The following FOCAD variants were observed in gnomAD, a reference collection of about 807,000 sequenced individuals.
The protein encoded by FOCAD is focadhesin, also known as KIAA1797.
A neutral mutation model predicts 225.6 loss-of-function variants in FOCAD; 198 were observed. The ratio of observed to expected loss-of-function variants is 0.88; its 90% CI spans 0.78 to 0.99. The LOEUF is 0.99. FOCAD is among the 50% of genes least tolerant of loss of function. FOCAD has a pLI of 0.00. For missense variants in FOCAD, 2,713 were observed against 2,123.6 expected (o/e 1.28, Z -5.46); for synonymous variants, 897 against 755.0 (o/e 1.19, Z -3.08).
At chr9:20,854,613 A>G (rs766386151) in intron 15 of FOCAD, among the ~76,000 whole-genome samples, 17 of 151,908 alleles carry the variant, frequency 1.1e-4, no homozygotes, top group East Asian at 1.9e-4. Context: ...GAAGAATAAC[A>G]TGGGAAATTG....
In FOCAD at chr9:20,720,265, A is replaced by T; in HGVS notation, c.133-115A>T. On this transcript the variant is annotated intron_variant, in intron 3 of 43. Coordinates refer to ENST00000338382, the MANE Select transcript of FOCAD (RefSeq NM_001375567.1). ...ACAGAGTGACAACAGCATCATCTTT[A>T]TAAAGGAAAGCTAGCCTACTGTGAA... is the stretch of plus-strand genomic sequence containing the variant. 4 of 1,006,814 alleles carry T rather than the reference A, an allele frequency of 4.0e-6. No homozygotes were observed. The Admixed American group carries it at 9.2e-5, about 23-fold the overall frequency. 62.4% of individuals were successfully genotyped at this position (1,006,814 alleles called of 1,614,324 possible).
At chr9:20,780,634 A>T (rs955877847) in intron 9 of FOCAD, among the ~76,000 whole-genome samples, 2 of 152,080 alleles carry the variant, frequency 1.3e-5, no homozygotes, top group Non-Finnish European at 2.9e-5. Flanking sequence ...TTTATACATT[A>T]ATTTTTATAT....
At chr9:20,691,309 C>G (rs572843576) in intron 1 of FOCAD, among the ~76,000 whole-genome samples, 1 of 152,056 alleles carries the variant, frequency 6.6e-6, no homozygotes, top group African/African-American at 2.4e-5. Flanking sequence ...GGTTTTCCTC[C>G]TACGTCATTG....
intron 4 of FOCAD, among the ~76,000 whole-genome samples, chr9:20,737,182 A>G (rs1827218798): frequency 1.3e-5 from 2 of 152,168 alleles, no homozygotes; most frequent in Admixed American, 6.5e-5. Context: ...AAAGTTTAAA[A>G]AATTGGAGTT....
Position 20,757,565 on chromosome 9 carries a change from T to C in FOCAD, c.393-525T>C, listed in dbSNP as rs199796135. ...TTGTTAAGATGGAAGGAATATTTCC[T>C]TTTTTCTATTCTTAAATATGCTGGG... On this transcript the variant is annotated intron_variant, in intron 5 of 43. Coordinates refer to ENST00000338382, the MANE Select transcript of FOCAD (RefSeq NM_001375567.1). Among the ~76,000 whole-genome samples the C allele has an allele frequency of 1.2e-4, 19 of 152,310 alleles. No individual in the cohort carries two copies. In the East Asian group the frequency reaches 3.7e-3, roughly 29 times the overall value.
At chr9:20,883,700 G>C (rs1830870715) in intron 20 of FOCAD, among the ~76,000 whole-genome samples, 1 of 152,178 alleles carries the variant, frequency 6.6e-6, no homozygotes, top group Non-Finnish European at 1.5e-5. Flanking sequence ...AGTTTGAAGT[G>C]AATGATAATG....
At chr9:20,913,835 A>T (rs2132064904) in intron 23 of FOCAD, among the ~76,000 whole-genome samples, 1 of 152,294 alleles carries the variant, frequency 6.6e-6, no homozygotes, top group East Asian at 1.9e-4. Flanking sequence ...ATCATCTGAA[A>T]GTGATAATTG....
At chr9:20,789,833 C>A (rs938435716) in intron 11 of FOCAD, among the ~76,000 whole-genome samples, 14 of 151,782 alleles carry the variant, frequency 9.2e-5, no homozygotes, top group South Asian at 8.3e-4. Flanking sequence ...GCACACTTCA[C>A]AACGAAATCT....
Position 20,958,983 on chromosome 9 carries a change from A to G in FOCAD, c.4132+5918A>G, listed in dbSNP as rs149598802. ...ATTCCATGTCATGGCTATTGTGAAT[A>G]GTACTAAAATAAACATGGGGTACAG... On this transcript the variant is annotated intron_variant, in intron 35 of 43. Transcript: ENST00000338382. Among the ~76,000 whole-genome samples, 196 of 152,296 alleles carry G rather than the reference A, an allele frequency of 1.3e-3. 3 individuals carry two copies. In the East Asian group the frequency reaches 0.026, roughly 21 times the overall value.
In FOCAD at chr9:20,934,679, C is replaced by T. The variant is rs1047736751; in HGVS notation, c.3407+1576C>T. ...AGTTTGAAATCAGGTAATGTGATGC[C>T]TCCAGATTTGTTCTTTTTGCCTAGT... On this transcript the variant is annotated intron_variant, in intron 28 of 43. Transcript: ENST00000338382. Among the ~76,000 whole-genome samples the T allele has an allele frequency of 1.2e-4, 18 of 152,076 alleles. 1 individual carries two copies.
chr9:20,948,875 G>A lies in FOCAD; in HGVS notation c.3823G>A (p.Ala1275Thr). Residue 1275 changes from alanine to threonine, a missense_variant, in exon 32 of 44, where the codon GCA becomes ACA. Coordinates refer to ENST00000338382, the MANE Select transcript of FOCAD (RefSeq NM_001375567.1). The part of the protein sequence containing the change: ...TEGTPTMLCL[A>T]ALHGMVALVG... ...GGGCACTCCCACAATGCTTTGTCTG[G>A]CAGCTCTTCATGGCATGGTGGCCTT... 3 of 1,613,456 alleles carry A rather than the reference G, an allele frequency of 1.9e-6. No individual in the cohort carries two copies. Among genetic ancestry groups the A allele is most frequent in the Non-Finnish European group, 2.5e-6 (3 of 1,179,540 alleles).
In FOCAD at chr9:20,821,079, G is replaced by C; in HGVS notation, c.1793+8G>C. 1 of 1,610,796 alleles carries C rather than the reference G, an allele frequency of 6.2e-7. No homozygotes were observed. Among genetic ancestry groups the C allele is most frequent in the Non-Finnish European group, 8.5e-7 (1 of 1,178,030 alleles). ...AGATATATGTAAGCAGAGGTATGAT[G>C]TCATTAACTCTTAGGAATGTATATC... On this transcript the variant is annotated splice_region_variant and intron_variant, in intron 14 of 43. Transcript: ENST00000338382.
At chr9:20,853,484 A>G (rs1247256367) in intron 15 of FOCAD, among the ~76,000 whole-genome samples, 1 of 151,802 alleles carries the variant, frequency 6.6e-6, no homozygotes, top group African/African-American at 2.4e-5. Flanking sequence ...AATAATTTAA[A>G]AAGTCTCTGT....
intron 27 of FOCAD, among the ~76,000 whole-genome samples, chr9:20,930,647 TG>T (rs1835378616): frequency 6.6e-6 from 1 of 152,212 alleles, no homozygotes; most frequent in African/African-American, 2.4e-5. Flanking sequence ...CTATTGATTT[TG>T]GGGAATACCA....
chr9:20,879,089 C>T (rs990741901), intron 19 of FOCAD, among the ~76,000 whole-genome samples: 1 of 152,168 alleles, frequency 6.6e-6, no homozygotes, highest in Non-Finnish European at 1.5e-5. Flanking sequence ...CCTCACAACC[C>T]CCAACCCCAA....
chr9:20,928,708 G>T (rs942264785), intron 26 of FOCAD, among the ~76,000 whole-genome samples: 1 of 152,002 alleles, frequency 6.6e-6, no homozygotes, highest in African/African-American at 2.4e-5. Context: ...ATTTCATTTT[G>T]AATAGCTGGT....
intron 1 of FOCAD, among the ~76,000 whole-genome samples, chr9:20,684,888 A>G (rs898634191): frequency 6.6e-6 from 1 of 152,202 alleles, no homozygotes; most frequent in African/African-American, 2.4e-5. Context: ...TTGAAGAAAG[A>G]GTATGTTAGA....
chr9:20,786,667 C>A (rs368325562), intron 10 of FOCAD, among the ~76,000 whole-genome samples: 1 of 152,110 alleles, frequency 6.6e-6, no homozygotes, highest in Non-Finnish European at 1.5e-5. Flanking sequence ...TTCACAATTT[C>A]TTTTTCAGAC....
intron 21 of FOCAD, among the ~76,000 whole-genome samples, chr9:20,906,322 ACTCT>A (rs538195914): frequency 1.8e-4 from 26 of 148,212 alleles, no homozygotes; most frequent in Non-Finnish European, 2.7e-4. Context: ...TTTCTCTCTC[ACTCT>A]CTCTCTTTTT....
Sources: allele counts gnomAD v4.1 joint callset (sites outside exome capture counted in the v4.1 genomes callset), GRCh38; gene constraint gnomAD v4.1.1; transcripts MANE v1.5; gene names NCBI Gene and HGNC (gene_info 2026-07-23, HGNC 2026-07-21).